Variants in ACP6 observed in about 807,000 individuals in gnomAD.
The protein encoded by ACP6 is lysophosphatidic acid phosphatase type 6.
ACP6 carries 48 observed loss-of-function variants against 48.1 expected under a neutral mutation model. That is an observed-to-expected ratio of 1.00 (90% CI 0.79 to 1.27). The LOEUF (loss-of-function observed/expected upper bound fraction) is 1.27. Among genes scored for constraint, ACP6 ranks in the 50% most tolerant of loss-of-function variants. The pLI is 0.00. For missense variants in ACP6, 485 were observed against 529.1 expected (o/e 0.92, Z 0.82); for synonymous variants, 172 against 204.2 (o/e 0.84, Z 1.34).
chr1:147,662,450 T>A (rs587702819), intron 1 of ACP6, among the ~76,000 whole-genome samples: 21 of 152,272 alleles, frequency 1.4e-4, no homozygotes, highest in African/African-American at 5.1e-4. Flanking sequence ...GAGGTCAAAA[T>A]AGCAACATTA....
rs1281768040 is a variant in ACP6, at chr1:147,642,261, T to C, written c.*5162A>G. The C allele has an allele frequency of 6.6e-6, 1 of 152,200 alleles. No individual in the cohort carries two copies. 9.4% of individuals were successfully genotyped at this position (152,200 alleles called of 1,614,324 possible). ...CAGCGTTCTGAACTCATTTATTCAT[T>C]CGGTAAATCTTTGCTGAGGTCCACT... is the stretch of plus-strand genomic sequence containing the variant. On this transcript the variant is annotated 3_prime_UTR_variant, in exon 10 of 10. Coordinates refer to ENST00000583509, the MANE Select transcript of ACP6 (RefSeq NM_016361.5).
chr1:147,656,927 G>C (rs1660287662), intron 4 of ACP6, among the ~76,000 whole-genome samples: 1 of 152,134 alleles, frequency 6.6e-6, no homozygotes, highest in East Asian at 1.9e-4. Context: ...ATTGTATTGG[G>C]TATTATGTCA....
At chr1:147,659,277 G>T in intron 3 of ACP6, 119 bp downstream of exon 3, 1 of 1,399,006 alleles carries the variant, frequency 7.1e-7, no homozygotes, top group Non-Finnish European at 9.8e-7. Context: ...TATGCAGCAT[G>T]ACAAGTTGTC....
chr1:147,664,402 G>A (rs1409172788), intron 1 of ACP6, among the ~76,000 whole-genome samples: 1 of 151,986 alleles, frequency 6.6e-6, no homozygotes, highest in African/African-American at 2.4e-5. Flanking sequence ...TCTTATGCCT[G>A]GAATTTTCTC....
intron 4 of ACP6, among the ~76,000 whole-genome samples, chr1:147,658,380 G>C (rs1459676052): frequency 6.6e-6 from 1 of 152,182 alleles, no homozygotes; most frequent in Non-Finnish European, 1.5e-5. Context: ...ACAAAATGCA[G>C]CTTCATGTGA....
In ACP6 at chr1:147,643,196, T is replaced by C. The variant is rs1229083246; in HGVS notation, c.*4227A>G. On this transcript the variant is annotated 3_prime_UTR_variant, in exon 10 of 10. Transcript: ENST00000583509. ...ATCATTGATAGGTTCTTGGAAACTG[T>C]AGCTTTAAGTAAAACAACATATTAG... 6.6e-6 allele frequency: 1 copy of C among 152,234 alleles called. No homozygotes were observed. The highest frequency in any genetic ancestry group is 1.5e-5 in the Non-Finnish European group (1 of 68,046). 9.4% of individuals were successfully genotyped at this position (152,234 alleles called of 1,614,324 possible).
At chr1:147,661,569 C>G (rs1458123220) in intron 1 of ACP6, among the ~76,000 whole-genome samples, 1 of 152,064 alleles carries the variant, frequency 6.6e-6, no homozygotes, top group African/African-American at 2.4e-5. Flanking sequence ...AGTTAATAAC[C>G]CTACAATGGC....
intron 7 of ACP6, chr1:147,651,598 G>A (rs587606716): frequency 2.0e-5 from 3 of 152,234 alleles, no homozygotes; most frequent in African/African-American, 7.2e-5. Flanking sequence ...GTCCCAGGGA[G>A]TGGCAGCAAG....
At chr1:147,654,739 G>A (rs1297714145) in intron 5 of ACP6, among the ~76,000 whole-genome samples, 3 of 152,196 alleles carry the variant, frequency 2.0e-5, no homozygotes, top group African/African-American at 7.2e-5. Context: ...ATATTGGTAA[G>A]AGAAGAAAAA....
downstream of ACP6, among the ~76,000 whole-genome samples, chr1:147,641,722 T>C (rs139302755): frequency 1.5e-3 from 228 of 152,346 alleles, no homozygotes; most frequent in Non-Finnish European, 2.3e-3. Flanking sequence ...AAACATTAAC[T>C]TCCCCGCTTT....
intron 5 of ACP6, among the ~76,000 whole-genome samples, chr1:147,631,340 C>T (rs1242315455): frequency 6.6e-6 from 1 of 152,170 alleles, no homozygotes; most frequent in Non-Finnish European, 1.5e-5. Flanking sequence ...CATGTAAAAC[C>T]ATCAGCAAAT....
At position 147,659,031 on chromosome 1, in the gene ACP6, G is replaced by A. The variant is rs782429206; in HGVS notation, c.488C>T (p.Ser163Phe). ...CTCCAGATTCCGAAAAATGTTAGTG[G>A]AACGAATACTGAAAAAAATGAGAAA... The part of the protein sequence containing the change: ...TFNPQEVFIR[S>F]TNIFRNLEST... The change falls in exon 4 of 10, where the codon TCC becomes TTC. Residue 163 changes from serine to phenylalanine, a missense_variant. Physicochemically the swap from Ser to Phe is radical, Grantham distance 155 (BLOSUM62 -2). Transcript: ENST00000583509. The A allele has an allele frequency of 7.5e-6, 12 of 1,608,268 alleles. No homozygotes were observed. The highest frequency in any genetic ancestry group is 2.7e-5 in the African/African-American group (2 of 74,450).
rs1435559783 is a variant in ACP6, at chr1:147,644,954, T to C, written c.*2469A>G. The C allele has an allele frequency of 2.0e-5, 3 of 151,370 alleles. No individual in the cohort carries two copies. Among genetic ancestry groups the C allele is most frequent in the Non-Finnish European group, 4.4e-5 (3 of 67,954 alleles). The allele number at this position is 151,370 out of a possible 1,614,324, so 9.4% of individuals were successfully genotyped here. Reference sequence around the variant, plus strand: ...GTTGAAGGTATAAATTTAGGAGACATTGTGTAAATATTTAAAACTGGAAAT... The same window carrying C: ...GTTGAAGGTATAAATTTAGGAGACACTGTGTAAATATTTAAAACTGGAAAT... On this transcript the variant is annotated 3_prime_UTR_variant, in exon 10 of 10. Transcript: ENST00000583509.
intron 1 of ACP6, among the ~76,000 whole-genome samples, chr1:147,661,420 G>A (rs868983666): frequency 2.0e-5 from 3 of 151,574 alleles, no homozygotes; most frequent in Admixed American, 6.6e-5. Flanking sequence ...GCCACAAACC[G>A]CCCCCATATA....
chr1:147,648,108 C>A, intron 9 of ACP6, 138 bp downstream of exon 9: 1 of 976,714 alleles, frequency 1.0e-6, no homozygotes. Context: ...CCAGGAGTTG[C>A]CCTATAGGAT....
intron 5 of ACP6, among the ~76,000 whole-genome samples, chr1:147,633,175 C>T (rs1454120260): frequency 6.6e-6 from 1 of 152,210 alleles, no homozygotes; most frequent in East Asian, 1.9e-4. Flanking sequence ...TTTGCCCATT[C>T]ATCCCAATTC....
chr1:147,665,798 A>G (rs1279874251), intron 1 of ACP6, among the ~76,000 whole-genome samples: 1 of 152,148 alleles, frequency 6.6e-6, no homozygotes, highest in Non-Finnish European at 1.5e-5. Flanking sequence ...AGTCTAAAGT[A>G]CAGTTTTCAG....
chr1:147,631,980 C>T (rs587753514), intron 5 of ACP6, among the ~76,000 whole-genome samples: 1 of 152,274 alleles, frequency 6.6e-6, no homozygotes, highest in East Asian at 1.9e-4. Context: ...CCCCCACCCA[C>T]TGTGCTCCAG....
chr1:147,649,083 T>C (rs1310762165), intron 8 of ACP6, among the ~76,000 whole-genome samples: 1 of 152,152 alleles, frequency 6.6e-6, no homozygotes, highest in East Asian at 1.9e-4. Flanking sequence ...TTGCAGGTAC[T>C]GTGAAGGACA....
Sources: gnomAD v4.1 joint callset for allele counts (sites outside exome capture counted in the v4.1 genomes callset) on GRCh38, gnomAD v4.1.1 for gene constraint, MANE v1.5 for transcripts, NCBI Gene and HGNC (gene_info 2026-07-23, HGNC 2026-07-21) for gene names.